GRIK1: variants seen among roughly 807,000 people sequenced by gnomAD.
GRIK1 encodes the protein glutamate ionotropic receptor kainate type subunit 1, also known as glutamate receptor ionotropic, kainate 1.
Under a neutral mutation model 105.7 loss-of-function variants are expected in GRIK1, and 69 were observed. That is an observed-to-expected ratio of 0.65 (90% CI 0.54 to 0.80). The LOEUF (loss-of-function observed/expected upper bound fraction) is 0.80. Ranked by LOEUF, GRIK1 falls within the 30% of genes least tolerant of loss-of-function variation. GRIK1 has a pLI of 0.00. For missense variants in GRIK1, 1,109 were observed against 1,167.3 expected (o/e 0.95, Z 0.73); for synonymous variants, 438 against 431.3 (o/e 1.02, Z -0.19).
chr21:29,803,494 T>A lies in GRIK1; in HGVS notation c.119-109431A>T, dbSNP rs535188614. ...GAATGCAGGAGAATGCCATGTGTTG[T>A]GTTGAGAGAATTTTCTGGGCTGGGG... On this transcript the variant is annotated intron_variant, in intron 1 of 17. Coordinates refer to ENST00000327783, the MANE Select transcript of GRIK1 (RefSeq NM_001330994.2). Among the ~76,000 whole-genome samples the A allele has an allele frequency of 2.6e-5, 4 of 152,242 alleles. No homozygotes were observed. In the South Asian group the frequency reaches 8.3e-4, roughly 32 times the overall value.
chr21:29,687,301 A>G (rs1466457634), intron 3 of GRIK1, among the ~76,000 whole-genome samples: 1 of 152,102 alleles, frequency 6.6e-6, no homozygotes, highest in African/African-American at 2.4e-5. Context: ...GCGGGTGCTA[A>G]GCACACCTAA....
At chr21:29,768,255 C>T (rs907338799) in intron 1 of GRIK1, among the ~76,000 whole-genome samples, 2 of 152,156 alleles carry the variant, frequency 1.3e-5, no homozygotes, top group Non-Finnish European at 2.9e-5. Flanking sequence ...GAAAAAGACA[C>T]TGATGAGTCA....
At chr21:29,695,960 G>C (rs530007696) in intron 1 of GRIK1, among the ~76,000 whole-genome samples, 1 of 152,276 alleles carries the variant, frequency 6.6e-6, no homozygotes, top group Admixed American at 6.5e-5. Flanking sequence ...CATCATGCGC[G>C]TCATTTATGT....
At chr21:29,650,835 A>C (rs1407669390) in intron 6 of GRIK1, among the ~76,000 whole-genome samples, 1 of 152,186 alleles carries the variant, frequency 6.6e-6, no homozygotes, top group East Asian at 1.9e-4. Context: ...TCCTAGAATA[A>C]AATGCTCTTC....
chr21:29,729,577 C>A (rs905061401), intron 1 of GRIK1, among the ~76,000 whole-genome samples: 2 of 152,132 alleles, frequency 1.3e-5, no homozygotes, highest in African/African-American at 4.8e-5. Flanking sequence ...CCAGGGTAGA[C>A]AGGGAAATAA....
intron 2 of GRIK1, among the ~76,000 whole-genome samples, chr21:29,691,559 C>T (rs1394404762): frequency 6.6e-6 from 1 of 152,110 alleles, no homozygotes; most frequent in African/African-American, 2.4e-5. Context: ...CCTCTACAAC[C>T]ATGTAAAATA....
chr21:29,721,564 G>A (rs1318478060), intron 1 of GRIK1, among the ~76,000 whole-genome samples: 1 of 146,238 alleles, frequency 6.8e-6, no homozygotes, highest in Admixed American at 6.8e-5. Flanking sequence ...ATGGACAATA[G>A]AAAGAGAATG....
chr21:29,688,102 G>T (rs2063519001), intron 3 of GRIK1, among the ~76,000 whole-genome samples: 1 of 152,168 alleles, frequency 6.6e-6, no homozygotes, highest in African/African-American at 2.4e-5. Flanking sequence ...ATTAGATAAT[G>T]ATTTATTCCT....
chr21:29,879,151 G>A (rs1327297614), intron 1 of GRIK1, among the ~76,000 whole-genome samples: 1 of 152,116 alleles, frequency 6.6e-6, no homozygotes, highest in East Asian at 1.9e-4. Context: ...CAGCATAGAA[G>A]AAGGAACAAC....
chr21:29,755,422 T>G (rs115670863), intron 1 of GRIK1, among the ~76,000 whole-genome samples: 1 of 152,212 alleles, frequency 6.6e-6, no homozygotes, highest in African/African-American at 2.4e-5. Context: ...AATAGTTAAC[T>G]AACAGGCATT....
intron 1 of GRIK1, among the ~76,000 whole-genome samples, chr21:29,848,364 C>T (rs1361600374): frequency 2.0e-5 from 3 of 152,080 alleles, no homozygotes; most frequent in Admixed American, 6.6e-5. Context: ...GTAATTTGTC[C>T]AAGTTCTCCA....
At chr21:29,751,609 C>T (rs1283069295) in intron 1 of GRIK1, among the ~76,000 whole-genome samples, 1 of 152,152 alleles carries the variant, frequency 6.6e-6, no homozygotes, top group Non-Finnish European at 1.5e-5. Flanking sequence ...ATTGCATGCT[C>T]CATAAGTCCT....
intron 3 of GRIK1, among the ~76,000 whole-genome samples, chr21:29,683,219 G>A (rs2063416092): frequency 6.6e-6 from 1 of 152,192 alleles, no homozygotes; most frequent in African/African-American, 2.4e-5. Context: ...GAAGCAGTTT[G>A]GAGATTTCTC....
chr21:29,601,980 C>T (rs2061527287), intron 7 of GRIK1, among the ~76,000 whole-genome samples: 1 of 152,148 alleles, frequency 6.6e-6, no homozygotes, highest in African/African-American at 2.4e-5. Flanking sequence ...TCGTTTCTCT[C>T]TTTTAACCCA....
intron 1 of GRIK1, among the ~76,000 whole-genome samples, chr21:29,840,928 A>G (rs1000074012): frequency 6.6e-6 from 1 of 152,168 alleles, no homozygotes; most frequent in Non-Finnish European, 1.5e-5. Flanking sequence ...ATTTGGCTTG[A>G]AAAATAAATG....
At chr21:29,764,577 G>A (rs185364581) in intron 1 of GRIK1, among the ~76,000 whole-genome samples, 1 of 152,316 alleles carries the variant, frequency 6.6e-6, no homozygotes, top group Admixed American at 6.5e-5. Flanking sequence ...AACCTCCACA[G>A]AAATAATTTT....
chr21:29,680,964 C>G (rs1407285637), intron 3 of GRIK1, among the ~76,000 whole-genome samples: 1 of 152,110 alleles, frequency 6.6e-6, no homozygotes, highest in East Asian at 1.9e-4. Context: ...GAAACCCAGT[C>G]TCTACCAAAA....
At chr21:29,820,285 A>G (rs1305710602) in intron 1 of GRIK1, among the ~76,000 whole-genome samples, 1 of 151,928 alleles carries the variant, frequency 6.6e-6, no homozygotes, top group African/African-American at 2.4e-5. Context: ...TTTCTCTGTT[A>G]CTGTTTTTAT....
intron 1 of GRIK1, among the ~76,000 whole-genome samples, chr21:29,875,543 A>G (rs756926382): frequency 1.3e-5 from 2 of 152,120 alleles, no homozygotes; most frequent in Non-Finnish European, 2.9e-5. Flanking sequence ...TGGTATCCTT[A>G]GGGGCTTCCA....
Sources: allele counts gnomAD v4.1 joint callset (sites outside exome capture counted in the v4.1 genomes callset), GRCh38; gene constraint gnomAD v4.1.1; transcripts MANE v1.5; gene names NCBI Gene and HGNC (gene_info 2026-07-23, HGNC 2026-07-21).